The following BLTP1 variants were observed in gnomAD, a reference collection of about 807,000 sequenced individuals.
The protein encoded by BLTP1 is bridge-like lipid transfer protein family member 1, also known as fragile site-associated protein.
At chr4:122,301,262 T>TAA in the BLTP1 span, 49 of 1,345,074 alleles carry the variant, frequency 3.6e-5, no homozygotes, top group African/African-American at 4.0e-4. Flanking sequence ...TTTTTTTCTT[T>TAA]AAAAAAAAAA....
the BLTP1 span, chr4:122,343,725 C>A: frequency 1.7e-6 from 2 of 1,148,286 alleles, no homozygotes; most frequent in Non-Finnish European, 2.4e-6. Context: ...TTGTATTTTT[C>A]CTCTTTGATA....
chr4:122,264,450 A>G, the BLTP1 span: 2 of 1,567,836 alleles, frequency 1.3e-6, no homozygotes, highest in Non-Finnish European at 8.6e-7. Context: ...GCTTTTTCCT[A>G]ATTATAATAA....
chr4:122,207,616 G>A, the BLTP1 span: 1 of 1,596,852 alleles, frequency 6.3e-7, no homozygotes, highest in Non-Finnish European at 8.5e-7. Context: ...CCAGCTACAT[G>A]TAATACCAAG....
At chr4:122,176,389 A>T in the BLTP1 span, among the ~76,000 whole-genome samples, 4 of 152,196 alleles carry the variant, frequency 2.6e-5, no homozygotes, top group Non-Finnish European at 5.9e-5. Context: ...TGTGATTTAA[A>T]TGAGAGGTAT....
At chr4:122,172,069 A>C in the BLTP1 span, 1 of 564,432 alleles carries the variant, frequency 1.8e-6, no homozygotes, top group East Asian at 1.5e-4. Context: ...ACTTTACAAA[A>C]TATTTTTTCT....
the BLTP1 span, chr4:122,269,653 C>T: frequency 1.0e-6 from 1 of 985,208 alleles, no homozygotes; most frequent in Non-Finnish European, 1.2e-6. Flanking sequence ...GCAGATTGTT[C>T]ATTCTGCTGA....
chr4:122,339,387 G>T, the BLTP1 span: 1 of 1,611,738 alleles, frequency 6.2e-7, no homozygotes, highest in Non-Finnish European at 8.5e-7. Context: ...AAAGACTTCT[G>T]CTAGCAAAAC....
At chr4:122,183,607 C>A in the BLTP1 span, 2 of 748,646 alleles carry the variant, frequency 2.7e-6, no homozygotes, top group Non-Finnish European at 3.3e-6. Flanking sequence ...TAGAATTTAG[C>A]AGACCTAGGT....
the BLTP1 span, chr4:122,171,870 G>A: frequency 1.3e-3 from 1,248 of 984,744 alleles, 1 homozygote; most frequent in South Asian, 2.2e-3. Flanking sequence ...TATGAGCATA[G>A]GGGGGCGTGA....
At chr4:122,308,406 A>G in the BLTP1 span, among the ~76,000 whole-genome samples, 1 of 152,060 alleles carries the variant, frequency 6.6e-6, no homozygotes, top group Admixed American at 6.6e-5. Flanking sequence ...TACCCCCCAG[A>G]TAACTCTTAA....
the BLTP1 span, chr4:122,175,868 C>T: frequency 6.3e-7 from 1 of 1,579,536 alleles, no homozygotes. Flanking sequence ...ATGGATTCAT[C>T]ATTTTTCGGT....
At chr4:122,189,321 G>A in the BLTP1 span, 1 of 980,380 alleles carries the variant, frequency 1.0e-6, no homozygotes, top group Non-Finnish European at 1.2e-6. Context: ...ATGTATGTAT[G>A]ACAAAGAGAA....
chr4:122,289,496 C>T, the BLTP1 span: 1 of 983,628 alleles, frequency 1.0e-6, no homozygotes, highest in Non-Finnish European at 1.2e-6. Context: ...CATTTGGGAA[C>T]AACATTTAGG....
chr4:122,353,193 C>T, the BLTP1 span: 4 of 1,602,150 alleles, frequency 2.5e-6, no homozygotes, highest in African/African-American at 5.4e-5. This position sits in a 1 kb window ranked among gnomAD's most constrained non-coding sequence, Gnocchi z 4.3. Flanking sequence ...TTTCTCCTAT[C>T]TTCTGTTATG....
chr4:122,342,829 A>G, the BLTP1 span, among the ~76,000 whole-genome samples: 2 of 152,366 alleles, frequency 1.3e-5, no homozygotes, highest in South Asian at 4.1e-4. Context: ...TCTGGTCTGG[A>G]CATACATTTT....
the BLTP1 span, among the ~76,000 whole-genome samples, chr4:122,355,291 C>T: frequency 6.6e-6 from 1 of 152,052 alleles, no homozygotes; most frequent in Non-Finnish European, 1.5e-5. Context: ...AATCATAGCA[C>T]ATATGTTGGG....
the BLTP1 span, chr4:122,226,986 A>C: frequency 1.6e-6 from 1 of 638,072 alleles, no homozygotes; most frequent in Non-Finnish European, 2.3e-6. Context: ...ATTCTTACCC[A>C]TTTTAGTTTT....
At chr4:122,284,725 T>C in the BLTP1 span, among the ~76,000 whole-genome samples, 2 of 152,188 alleles carry the variant, frequency 1.3e-5, no homozygotes, top group Admixed American at 1.3e-4. Context: ...TTACAGAACT[T>C]TTGTTACAGT....
the BLTP1 span, chr4:122,300,919 A>G: frequency 8.2e-6 from 1 of 122,284 alleles, no homozygotes; most frequent in Non-Finnish European, 1.5e-5. Flanking sequence ...TTGCCCAGGC[A>G]AAAAAAAAAA....
Sources: allele counts gnomAD v4.1 joint callset (sites outside exome capture counted in the v4.1 genomes callset), GRCh38; gene constraint gnomAD v4.1.1; non-coding constraint Gnocchi (gnomAD v3.1); transcripts MANE v1.5; gene names NCBI Gene and HGNC (gene_info 2026-07-23, HGNC 2026-07-21).